NLGN1: variants seen among roughly 807,000 people sequenced by gnomAD.
NLGN1 encodes the protein neuroligin 1.
In NLGN1, 12 loss-of-function variants were observed where a neutral mutation model predicts 65.5. The observed-to-expected ratio is 0.18, with a 90% CI of 0.12 to 0.30. The LOEUF is 0.30. Ranked by LOEUF, NLGN1 falls within the 10% of genes least tolerant of loss-of-function variation. NLGN1 has a pLI of 1.00. For missense variants in NLGN1, 750 were observed against 1,007.1 expected (o/e 0.74, Z 3.46); for synonymous variants, 350 against 359.5 (o/e 0.97, Z 0.30).
intron 2 of NLGN1, among the ~76,000 whole-genome samples, chr3:173,601,772 C>T (rs1422143670): frequency 1.5e-4 from 23 of 151,830 alleles, no homozygotes; most frequent in Admixed American, 1.5e-3. Flanking sequence ...CCTATCACTA[C>T]ATTCAATAGA....
intron 3 of NLGN1, among the ~76,000 whole-genome samples, chr3:173,761,540 C>G (rs187648042): frequency 6.6e-6 from 1 of 151,990 alleles, no homozygotes; most frequent in Admixed American, 6.6e-5. Flanking sequence ...TATAGAGCAT[C>G]ACTACCTTTT....
intron 4 of NLGN1, among the ~76,000 whole-genome samples, chr3:173,875,782 A>T (rs1732001692): frequency 6.6e-6 from 1 of 152,182 alleles, no homozygotes; most frequent in Non-Finnish European, 1.5e-5. Flanking sequence ...TCCTCTCTGA[A>T]GTTCTAGCAA....
At chr3:174,213,101 A>G (rs1427016932) in intron 4 of NLGN1, among the ~76,000 whole-genome samples, 1 of 152,198 alleles carries the variant, frequency 6.6e-6, no homozygotes, top group East Asian at 1.9e-4. Context: ...CATATTCACA[A>G]ACTCTGAGGA....
At chr3:173,880,081 A>G (rs1252272472) in intron 4 of NLGN1, among the ~76,000 whole-genome samples, 2 of 152,158 alleles carry the variant, frequency 1.3e-5, no homozygotes, top group African/African-American at 2.4e-5. Context: ...TGAAAATCCA[A>G]AAAGATTTTC....
intron 4 of NLGN1, among the ~76,000 whole-genome samples, chr3:174,177,425 G>T (rs548229183): frequency 6.6e-6 from 1 of 151,906 alleles, no homozygotes; most frequent in African/African-American, 2.4e-5. Context: ...GATTAGAAGC[G>T]ATGACCATAT....
At chr3:174,091,824 C>T (rs1744575826) in intron 4 of NLGN1, among the ~76,000 whole-genome samples, 1 of 152,164 alleles carries the variant, frequency 6.6e-6, no homozygotes, top group South Asian at 2.1e-4. Flanking sequence ...AGTGGCTCCG[C>T]TGCCTCTTCC....
intron 4 of NLGN1, among the ~76,000 whole-genome samples, chr3:174,115,525 C>T (rs557132513): frequency 3.2e-4 from 48 of 152,242 alleles, no homozygotes; most frequent in African/African-American, 1.1e-3. Context: ...ATAGAATCCA[C>T]GTTAAGATAA....
intron 4 of NLGN1, among the ~76,000 whole-genome samples, chr3:173,873,917 G>A (rs1731646749): frequency 6.6e-6 from 1 of 152,136 alleles, no homozygotes; most frequent in African/African-American, 2.4e-5. Context: ...GGTCATATGT[G>A]TAGGCTCTAA....
chr3:173,429,843 G>A (rs1465810590), intron 1 of NLGN1, among the ~76,000 whole-genome samples: 2 of 152,282 alleles, frequency 1.3e-5, no homozygotes, highest in South Asian at 2.1e-4. Flanking sequence ...TAAGGGTTAT[G>A]CCCACAGGGC....
At chr3:173,556,630 A>T (rs1045849009) in intron 2 of NLGN1, among the ~76,000 whole-genome samples, 8 of 152,034 alleles carry the variant, frequency 5.3e-5, no homozygotes, top group African/African-American at 1.7e-4. Context: ...GGGCAATATA[A>T]TGAGTCCCCT....
intron 4 of NLGN1, among the ~76,000 whole-genome samples, chr3:174,073,490 C>T (rs1740322654): frequency 6.6e-6 from 1 of 152,144 alleles, no homozygotes; most frequent in South Asian, 2.1e-4. Context: ...ATTTCTTCCA[C>T]TGGTAGAAAA....
At chr3:174,020,726 C>G (rs1727587270) in intron 4 of NLGN1, among the ~76,000 whole-genome samples, 1 of 152,068 alleles carries the variant, frequency 6.6e-6, no homozygotes, top group African/African-American at 2.4e-5. Flanking sequence ...GTGTTATGCT[C>G]TTTAGTGGTG....
intron 4 of NLGN1, among the ~76,000 whole-genome samples, chr3:174,043,990 A>G (rs531252606): frequency 6.6e-6 from 1 of 152,338 alleles, no homozygotes; most frequent in South Asian, 2.1e-4. Flanking sequence ...CCAAACCTCA[A>G]TTCTTCACTT....
At chr3:173,940,760 G>A (rs1471443289) in intron 4 of NLGN1, among the ~76,000 whole-genome samples, 1 of 152,108 alleles carries the variant, frequency 6.6e-6, no homozygotes, top group Non-Finnish European at 1.5e-5. Context: ...AGTGATATTT[G>A]ATAGTTTTAT....
intron 4 of NLGN1, among the ~76,000 whole-genome samples, chr3:174,045,790 C>T (rs556106801): frequency 1.3e-5 from 2 of 152,166 alleles, no homozygotes; most frequent in South Asian, 4.1e-4. Context: ...TTGAATAAAT[C>T]TGCTTGCAAA....
At chr3:174,278,080 G>C (rs1274579562) in intron 5 of NLGN1, among the ~76,000 whole-genome samples, 1 of 151,926 alleles carries the variant, frequency 6.6e-6, no homozygotes, top group Non-Finnish European at 1.5e-5. Context: ...CAATTAAAAA[G>C]CAGTGGACCA....
At chr3:173,573,619 GA>G (rs1744999300) in intron 2 of NLGN1, among the ~76,000 whole-genome samples, 1 of 150,654 alleles carries the variant, frequency 6.6e-6, no homozygotes, top group Non-Finnish European at 1.5e-5. Flanking sequence ...AGTATAGGAA[GA>G]AGACAGGCTT....
chr3:173,854,543 T>C (rs1469928801), intron 4 of NLGN1, among the ~76,000 whole-genome samples: 1 of 152,066 alleles, frequency 6.6e-6, no homozygotes. Flanking sequence ...TACAAGATAA[T>C]GAATAGCCTA....
intron 3 of NLGN1, among the ~76,000 whole-genome samples, chr3:173,759,486 T>C (rs1217536886): frequency 6.6e-6 from 1 of 151,972 alleles, no homozygotes; most frequent in South Asian, 2.1e-4. Context: ...ATGTTTTTAA[T>C]TTGAACACGT....
Sources: gnomAD v4.1 joint callset for allele counts (sites outside exome capture counted in the v4.1 genomes callset) on GRCh38, gnomAD v4.1.1 for gene constraint, MANE v1.5 for transcripts, NCBI Gene and HGNC (gene_info 2026-07-23, HGNC 2026-07-21) for gene names.